GBE1: variants seen among roughly 807,000 people sequenced by gnomAD.
The protein encoded by GBE1 is 1,4-alpha-glucan branching enzyme 1.
In GBE1, 70 loss-of-function variants were observed where a neutral mutation model predicts 88.8. The ratio of observed to expected loss-of-function variants is 0.79; its 90% confidence interval spans 0.65 to 0.96. The LOEUF (loss-of-function observed/expected upper bound fraction) is 0.96, where lower values mean the gene tolerates loss of function less well. Ranked by LOEUF, GBE1 falls within the 40% of genes least tolerant of loss-of-function variation. GBE1 has a pLI of 0.00. For missense variants in GBE1, 872 were observed against 871.0 expected (o/e 1.00, Z -0.01); for synonymous variants, 284 against 300.1 (o/e 0.95, Z 0.56).
chr3:81,739,158 TG>T (rs1050361107), intron 1 of GBE1, among the ~76,000 whole-genome samples: 6 of 152,088 alleles, frequency 3.9e-5, no homozygotes, highest in Admixed American at 3.9e-4. Flanking sequence ...ATTATCATCT[TG>T]GGGGTTAGGA....
At chr3:81,658,122 T>C (rs1489255798) in intron 3 of GBE1, among the ~76,000 whole-genome samples, 1 of 152,140 alleles carries the variant, frequency 6.6e-6, no homozygotes, top group Non-Finnish European at 1.5e-5. Context: ...TTTTTTTCTT[T>C]AATAAAAAAC....
chr3:81,608,584 C>T (rs1167492030), intron 7 of GBE1, among the ~76,000 whole-genome samples: 1 of 152,136 alleles, frequency 6.6e-6, no homozygotes, highest in African/African-American at 2.4e-5. Context: ...CTTCCCACAA[C>T]ATTATTCAAT....
At chr3:81,575,273 A>C (rs898069445) in intron 12 of GBE1, among the ~76,000 whole-genome samples, 3 of 152,152 alleles carry the variant, frequency 2.0e-5, no homozygotes, top group Non-Finnish European at 4.4e-5. Context: ...TGATAGAATA[A>C]AAAAATACAA....
intron 15 of GBE1, among the ~76,000 whole-genome samples, chr3:81,490,904 G>A (rs1247591485): frequency 2.6e-5 from 4 of 151,328 alleles, no homozygotes; most frequent in Admixed American, 1.3e-4. Context: ...AAACTGAAAT[G>A]TAATACAAGG....
chr3:81,664,260 GAACAC>G (rs1033201448), intron 3 of GBE1, among the ~76,000 whole-genome samples: 2 of 151,998 alleles, frequency 1.3e-5, no homozygotes, highest in Admixed American at 1.3e-4. Context: ...CATTTCAGAA[GAACAC>G]AACACATCTG....
At chr3:81,503,263 G>A (rs748833967) in intron 14 of GBE1, among the ~76,000 whole-genome samples, 8 of 152,076 alleles carry the variant, frequency 5.3e-5, no homozygotes, top group East Asian at 1.9e-4. Flanking sequence ...ATGAACATGC[G>A]TAAATAGAGC....
rs142010061 is a variant in GBE1, at chr3:81,647,984, A to C, written c.691+872T>G. ...ATTTATTACTCCATAATATGAAAGA[A>C]TATCTCAAATATAATAATTTAGCAT... On this transcript the variant is annotated intron_variant, in intron 5 of 15. Coordinates refer to ENST00000429644, the MANE Select transcript of GBE1 (RefSeq NM_000158.4). Among the ~76,000 whole-genome samples the C allele has an allele frequency of 4.1e-3, 628 of 152,240 alleles. 8 individuals carry two copies. Among genetic ancestry groups the C allele is most frequent in the Middle Eastern group, 0.014 (4 of 292 alleles).
At chr3:81,686,801 C>A (rs971790320) in intron 2 of GBE1, among the ~76,000 whole-genome samples, 1 of 151,958 alleles carries the variant, frequency 6.6e-6, no homozygotes, top group African/African-American at 2.4e-5. Flanking sequence ...CTAAAACATA[C>A]GCAAACCACA....
chr3:81,702,489 C>T (rs950773166), intron 2 of GBE1, among the ~76,000 whole-genome samples: 1 of 151,902 alleles, frequency 6.6e-6, no homozygotes, highest in African/African-American at 2.4e-5. Flanking sequence ...CAATATACTG[C>T]CTGTCCTTAA....
At chr3:81,732,444 T>C (rs1299010166) in intron 1 of GBE1, among the ~76,000 whole-genome samples, 1 of 152,164 alleles carries the variant, frequency 6.6e-6, no homozygotes, top group Non-Finnish European at 1.5e-5. Flanking sequence ...ATCCAAGCTA[T>C]AGTACTGTCC....
chr3:81,624,640 T>C (rs147279511), intron 7 of GBE1, among the ~76,000 whole-genome samples: 1,721 of 152,182 alleles, frequency 0.011, 99 homozygotes, highest in Admixed American at 0.1. Flanking sequence ...ACTTTAGATG[T>C]GATACACACA....
intron 7 of GBE1, among the ~76,000 whole-genome samples, chr3:81,639,691 C>T (rs989740610): frequency 5.9e-5 from 9 of 152,142 alleles, no homozygotes; most frequent in African/African-American, 2.2e-4. Context: ...TATAAAATGG[C>T]AGCTTGCATA....
chr3:81,589,412 T>C (rs1703845941), intron 9 of GBE1, among the ~76,000 whole-genome samples: 1 of 151,704 alleles, frequency 6.6e-6, no homozygotes, highest in Non-Finnish European at 1.5e-5. Flanking sequence ...TGGGGATCAA[T>C]TCTACATTTG....
At chr3:81,575,082 G>A (rs1015168463) in intron 12 of GBE1, among the ~76,000 whole-genome samples, 10 of 151,344 alleles carry the variant, frequency 6.6e-5, no homozygotes, top group African/African-American at 9.7e-5. Context: ...GGAGAATGGC[G>A]TGAACCCGGG....
rs3772913 is a variant in GBE1, at chr3:81,585,812, T to C, written c.1335+280A>G. 1.6e-4 allele frequency among the ~76,000 whole-genome samples: 24 copies of C among 152,340 alleles called. No individual in the cohort carries two copies. The East Asian group carries it at 3.5e-3, about 22-fold the overall frequency. On this transcript the variant is annotated intron_variant, in intron 10 of 15. Coordinates refer to ENST00000429644, the MANE Select transcript of GBE1 (RefSeq NM_000158.4). The stretch of plus-strand genomic sequence containing the variant: ...GTATTAAATATAGAGCACTGAAGTT[T>C]CATATAATTGCATTGATAATGCAAA...
In GBE1 at chr3:81,571,138, A is replaced by T. The variant is rs896925007; in HGVS notation, c.1618+6787T>A. On this transcript the variant is annotated intron_variant, in intron 12 of 15. Coordinates refer to ENST00000429644, the MANE Select transcript of GBE1 (RefSeq NM_000158.4). ...ATAGGAAAAGAGACAGAATTCCAGG[A>T]GTCTGACTTCCTACATCATGTCCCA... is the stretch of plus-strand genomic sequence containing the variant. Among the ~76,000 whole-genome samples the T allele has an allele frequency of 2.0e-5, 3 of 152,170 alleles. No individual in the cohort carries two copies. In the East Asian group the frequency reaches 5.8e-4, roughly 29 times the overall value.
chr3:81,546,543 A>G lies in GBE1; in HGVS notation c.1619-9448T>C, dbSNP rs1417758506. Among the ~76,000 whole-genome samples the G allele has an allele frequency of 2.6e-5, 4 of 151,224 alleles. 1 individual carries two copies. The highest frequency in any genetic ancestry group is 5.9e-5 in the Non-Finnish European group (4 of 67,508). On this transcript the variant is annotated intron_variant, in intron 12 of 15. Coordinates refer to ENST00000429644, the MANE Select transcript of GBE1 (RefSeq NM_000158.4). ...AGGCCATAAAGACCTTGCTGATAAA[A>G]CAGATTGCAGTAAAGAAGCCAGCTA...
At chr3:81,745,324 T>A (rs1706406247) in intron 1 of GBE1, among the ~76,000 whole-genome samples, 1 of 152,158 alleles carries the variant, frequency 6.6e-6, no homozygotes, top group African/African-American at 2.4e-5. Context: ...TACTTATTTT[T>A]AAAAATTTGA....
intron 7 of GBE1, among the ~76,000 whole-genome samples, chr3:81,599,653 T>C (rs1337042404): frequency 1.3e-5 from 2 of 152,208 alleles, no homozygotes; most frequent in Admixed American, 6.5e-5. Flanking sequence ...CACCATCTTA[T>C]ATGTGGTAGC....
Sources: gnomAD v4.1 joint callset for allele counts (sites outside exome capture counted in the v4.1 genomes callset) on GRCh38, gnomAD v4.1.1 for gene constraint, MANE v1.5 for transcripts, NCBI Gene and HGNC (gene_info 2026-07-23, HGNC 2026-07-21) for gene names.